Variants in IFT20 observed in about 807,000 individuals in gnomAD.
IFT20 encodes intraflagellar transport 20.
Under a neutral mutation model 16.9 loss-of-function variants are expected in IFT20, and 4 were observed. The ratio of observed to expected loss-of-function variants is 0.24; its 90% CI spans 0.12 to 0.54. IFT20 has a LOEUF of 0.54. Ranked by LOEUF, IFT20 falls within the 20% of genes least tolerant of loss-of-function variation. IFT20 has a pLI of 0.95. For synonymous variants in IFT20, 48 were observed against 49.9 expected (o/e 0.96, Z 0.16); for missense variants, 154 against 149.7 (o/e 1.03, Z -0.15).
intron 2 of IFT20, 65 bp downstream of exon 2, chr17:28,331,794 G>A: frequency 6.2e-7 from 1 of 1,601,142 alleles, no homozygotes; most frequent in Non-Finnish European, 8.5e-7. Flanking sequence ...GGGCCAAGAT[G>A]AGCCTGGGGT....
chr17:28,333,258 GC>G (rs1423079606), intron 1 of IFT20, among the ~76,000 whole-genome samples: 1 of 152,162 alleles, frequency 6.6e-6, no homozygotes, highest in Non-Finnish European at 1.5e-5. Context: ...TGCCCCCACT[GC>G]CCCCAGCCTC....
At chr17:28,330,247 AAAAATAAAGATTAAAG>A in intron 3 of IFT20, 180 bp downstream of exon 3, 1 of 616,940 alleles carries the variant, frequency 1.6e-6, no homozygotes, top group South Asian at 1.9e-5. Flanking sequence ...AAAAAAAAAA[AAAAATAAAGATTAAAG>A]GAAATAAAGA....
intron 1 of IFT20, among the ~76,000 whole-genome samples, chr17:28,333,441 GT>G (rs577591438): frequency 9.3e-4 from 141 of 152,294 alleles, no homozygotes; most frequent in African/African-American, 3.3e-3. Context: ...GTACCTCAAT[GT>G]TGGTATGTAA....
At chr17:28,330,140 G>A in intron 3 of IFT20, 1 of 626,520 alleles carries the variant, frequency 1.6e-6, no homozygotes, top group South Asian at 1.8e-5. Context: ...GGAGGGTGAG[G>A]TGGGAGAATC....
chr17:28,329,442 C>T (rs1597784414), intron 3 of IFT20, 166 bp from the exon 4 acceptor site: 1 of 588,324 alleles, frequency 1.7e-6, no homozygotes, highest in East Asian at 2.8e-5. Flanking sequence ...CTACTGATCA[C>T]AAAGTGCCTC....
At chr17:28,329,036 C>A (rs908646674) in intron 4 of IFT20, 137 bp downstream of exon 4, 8 of 675,670 alleles carry the variant, frequency 1.2e-5, no homozygotes, top group Non-Finnish European at 2.0e-5. Flanking sequence ...TTTTTAAAAT[C>A]TTCAAATCAG....
In IFT20 at chr17:28,330,524, A is replaced by G; in HGVS notation, c.132T>C (p.Ile44=). 6.2e-7 allele frequency: 1 copy of G among 1,606,808 alleles called. No homozygotes were observed. The highest frequency in any genetic ancestry group is 1.1e-5 in the South Asian group (1 of 90,916). Reference sequence around the variant, plus strand: ...CACCAACTATTTTCTGAAACTGGCCAATTTCTTTTAGGAAAAGAACAAAAA... The same window carrying G: ...CACCAACTATTTTCTGAAACTGGCCGATTTCTTTTAGGAAAAGAACAAAAA... ...KEECKDFVDK[I]GQFQKIVGGL... is the part of the protein sequence containing the mutation. Residue 44 remains isoleucine, a synonymous_variant, in exon 3 of 5, where the codon ATT becomes ATC. Transcript: ENST00000395418.
intron 4 of IFT20, 142 bp downstream of exon 4, chr17:28,329,031 A>T (rs1555575996): frequency 3.0e-6 from 2 of 658,770 alleles, no homozygotes; most frequent in Non-Finnish European, 5.2e-6. Context: ...TTTATTTTTT[A>T]AAATCTTCAA....
intron 3 of IFT20, chr17:28,330,235 C>CA (rs34843464): frequency 0.013 from 7,037 of 522,914 alleles, no homozygotes; most frequent in South Asian, 0.017. Flanking sequence ...GACTCTGTCT[C>CA]AAAAAAAAAA....
At chr17:28,329,324 G>A (rs782055865) in intron 3 of IFT20, 48 bp from the exon 4 acceptor site, 3 of 1,450,480 alleles carry the variant, frequency 2.1e-6, no homozygotes, top group African/African-American at 1.4e-5. Flanking sequence ...ACCATCTACA[G>A]CATCAAGTCC....
intron 4 of IFT20, 184 bp from the exon 5 acceptor site, chr17:28,328,917 C>T: frequency 1.6e-6 from 1 of 628,734 alleles, no homozygotes; most frequent in African/African-American, 1.9e-5. Flanking sequence ...CTAGGAAAGT[C>T]TTCTTTCAGA....
rs1906476497 is a variant in IFT20, at chr17:28,328,500, TGTA to T, written c.*149_*151del. ...ATGTTAAAACTGGCTCCCCCAGACT[TGTA>T]GTGCTGTCTTCAGGGGGCTGCATTC... On this transcript the variant is annotated 3_prime_UTR_variant, in exon 5 of 5. Transcript: ENST00000395418. 2 of 652,490 alleles carry T rather than the reference TGTA, an allele frequency of 3.1e-6. No individual in the cohort carries two copies. The highest frequency in any genetic ancestry group is 5.5e-6 in the Non-Finnish European group (2 of 363,290). The allele number at this position is 652,490 out of a possible 1,614,324, so 40.4% of individuals were successfully genotyped here.
chr17:28,329,348 G>C (rs1028277640), intron 3 of IFT20, 72 bp from the exon 4 acceptor site: 4 of 1,156,634 alleles, frequency 3.5e-6, no homozygotes, highest in South Asian at 1.3e-5. Flanking sequence ...AAGTGGGGAG[G>C]GGTTATCTGG....
chr17:28,328,800 G>C (rs1906507705), intron 4 of IFT20, 67 bp from the exon 5 acceptor site: 1 of 946,350 alleles, frequency 1.1e-6, no homozygotes, highest in African/African-American at 1.7e-5. Context: ...AATTCTTCTA[G>C]AGAAGGATAT....
chr17:28,329,030 T>A (rs1230425045), intron 4 of IFT20, 143 bp downstream of exon 4: 4 of 658,220 alleles, frequency 6.1e-6, no homozygotes, highest in Non-Finnish European at 1.0e-5. Flanking sequence ...TTTTATTTTT[T>A]AAAATCTTCA....
rs1315353777 is a variant in IFT20, at chr17:28,331,938, C to T, written c.48G>A (p.Leu16=). 2 of 1,614,126 alleles carry T rather than the reference C, an allele frequency of 1.2e-6. No homozygotes were observed. The highest frequency in any genetic ancestry group is 1.3e-5 in the African/African-American group (1 of 74,944). Residue 16 remains leucine (L), a synonymous_variant, in exon 2 of 5, where the codon CTG becomes CTA. Coordinates refer to ENST00000395418, the MANE Select transcript of IFT20 (RefSeq NM_001267776.2). ...CTGGGTCCAACACCCTCAGCTTGTT[C>T]AGTTCATCAAAGTGTAGCCCTGCTT... ...LGEAGLHFDE[L]NKLRVLDPEV...
chr17:28,331,750 C>G (rs1231555750), intron 2 of IFT20, 109 bp downstream of exon 2: 3 of 1,436,784 alleles, frequency 2.1e-6, no homozygotes, highest in Non-Finnish European at 2.9e-6. Flanking sequence ...ACGCCAGATT[C>G]AACCTCCAGG....
intron 1 of IFT20, chr17:28,332,346 G>T: frequency 1.3e-6 from 1 of 751,690 alleles, no homozygotes; most frequent in Non-Finnish European, 2.1e-6. Flanking sequence ...AAAGATGAAT[G>T]CAACACGGTG....
intron 3 of IFT20, chr17:28,329,971 A>T (rs998333044): frequency 3.2e-5 from 13 of 408,018 alleles, no homozygotes; most frequent in Non-Finnish European, 5.2e-5. Context: ...GAGGCAGGAG[A>T]ATCGCTTGAA....
Sources: gnomAD v4.1 joint callset for allele counts (sites outside exome capture counted in the v4.1 genomes callset) on GRCh38, gnomAD v4.1.1 for gene constraint, MANE v1.5 for transcripts, NCBI Gene and HGNC (gene_info 2026-07-23, HGNC 2026-07-21) for gene names.